CCDC102B: variants seen among roughly 807,000 people sequenced by gnomAD.
CCDC102B encodes the protein coiled-coil domain containing 102B, also known as coiled-coil domain-containing protein 102B.
A neutral mutation model predicts 57.4 loss-of-function variants in CCDC102B; 75 were observed. That is an observed-to-expected ratio of 1.31 (90% CI 1.08 to 1.58). The LOEUF (loss-of-function observed/expected upper bound fraction) is 1.58, where lower values mean the gene tolerates loss of function less well. Among genes scored for constraint, CCDC102B ranks in the 40% most tolerant of loss-of-function variants. CCDC102B has a pLI of 0.00. For synonymous variants in CCDC102B, 206 were observed against 201.9 expected (o/e 1.02, Z -0.17); for missense variants, 636 against 582.6 (o/e 1.09, Z -0.94).
At chr18:69,052,531 C>T (rs1005210725) in intron 7 of CCDC102B, among the ~76,000 whole-genome samples, 1 of 151,606 alleles carries the variant, frequency 6.6e-6, no homozygotes, top group South Asian at 2.1e-4. Flanking sequence ...TGTGTGTGCA[C>T]GTGTGTATCA....
intron 6 of CCDC102B, among the ~76,000 whole-genome samples, chr18:69,008,921 G>A (rs1467481851): frequency 1.3e-5 from 2 of 152,138 alleles, no homozygotes; most frequent in Non-Finnish European, 2.9e-5. Flanking sequence ...AGGGTTTAAT[G>A]TTTTTTCTTA....
chr18:68,790,361 G>A (rs1170519732), intron 2 of CCDC102B, among the ~76,000 whole-genome samples: 1 of 151,800 alleles, frequency 6.6e-6, no homozygotes, highest in Non-Finnish European at 1.5e-5. Flanking sequence ...GCTCCACCCA[G>A]TTCGAGCTTC....
chr18:69,010,945 C>T lies in CCDC102B; in HGVS notation c.1275C>T (p.Asn425=). The T allele has an allele frequency of 6.3e-7, 1 of 1,590,848 alleles. No homozygotes were observed. Among genetic ancestry groups the T allele is most frequent in the Non-Finnish European group, 8.6e-7 (1 of 1,167,426 alleles). ...DLQEKNQELL[N]LQHAYYKLNR... The stretch of plus-strand genomic sequence containing the variant: ...TTTTCCTTTGAAAGGAATTACTGAA[C>T]CTTCAACATGCCTACTATAAACTAA... The change falls in exon 7 of 8, where the codon AAC becomes AAT. Residue 425 remains asparagine (N), a synonymous_variant. Coordinates refer to ENST00000360242, the MANE Select transcript of CCDC102B (RefSeq NM_024781.3).
chr18:69,031,448 C>A, intron 7 of CCDC102B, among the ~76,000 whole-genome samples: 1 of 150,262 alleles, frequency 6.7e-6, no homozygotes, highest in East Asian at 1.9e-4. Context: ...TTCCTGGAGA[C>A]CTTTTTTTTT....
intron 4 of CCDC102B, chr18:68,866,879 C>T (rs937582308): frequency 2.1e-5 from 14 of 655,490 alleles, no homozygotes; most frequent in African/African-American, 5.4e-5. Context: ...ATTGGCACTC[C>T]TCTTCCCTCT....
chr18:68,813,221 C>T (rs550136972), intron 1 of CCDC102B, among the ~76,000 whole-genome samples: 1 of 152,170 alleles, frequency 6.6e-6, no homozygotes, highest in East Asian at 1.9e-4. Context: ...CCTGTTTCGC[C>T]ATAATAAGAT....
At chr18:69,011,528 T>C (rs1462291967) in intron 7 of CCDC102B, among the ~76,000 whole-genome samples, 1 of 152,120 alleles carries the variant, frequency 6.6e-6, no homozygotes, top group Admixed American at 6.5e-5. Context: ...TCTAGGTACT[T>C]CATTTTGTTT....
At chr18:68,744,492 G>C (rs564608583) in intron 2 of CCDC102B, among the ~76,000 whole-genome samples, 28 of 152,234 alleles carry the variant, frequency 1.8e-4, no homozygotes, top group African/African-American at 6.7e-4. Context: ...CTAGGGCTAG[G>C]TAGAAAAAGC....
chr18:68,877,834 G>A (rs992914998), intron 5 of CCDC102B, among the ~76,000 whole-genome samples: 1 of 152,062 alleles, frequency 6.6e-6, no homozygotes, highest in Non-Finnish European at 1.5e-5. Context: ...TATGAGTATG[G>A]CATAAAAAGG....
At chr18:68,776,023 A>G (rs1394713211) in intron 2 of CCDC102B, among the ~76,000 whole-genome samples, 1 of 152,054 alleles carries the variant, frequency 6.6e-6, no homozygotes, top group Non-Finnish European at 1.5e-5. Flanking sequence ...ATCTTTGATT[A>G]TTTCTTCTCT....
chr18:68,984,574 CT>C (rs2050676758), intron 6 of CCDC102B, among the ~76,000 whole-genome samples: 3 of 152,110 alleles, frequency 2.0e-5, no homozygotes, highest in Admixed American at 6.6e-5. Flanking sequence ...ATTACTAGCT[CT>C]GGAGCAAAAC....
chr18:68,732,882 C>T (rs546219252), intron 2 of CCDC102B, among the ~76,000 whole-genome samples: 122 of 152,188 alleles, frequency 8.0e-4, no homozygotes, highest in African/African-American at 2.7e-3. Flanking sequence ...AAACATCCAT[C>T]GCACAAGTGT....
intron 1 of CCDC102B, among the ~76,000 whole-genome samples, chr18:68,803,476 G>C (rs1016562003): frequency 6.6e-6 from 1 of 152,200 alleles, no homozygotes; most frequent in African/African-American, 2.4e-5. Context: ...TGTCCCTTCT[G>C]TTAGGGTGAA....
intron 1 of CCDC102B, among the ~76,000 whole-genome samples, chr18:68,815,859 A>C (rs1399727931): frequency 6.6e-6 from 1 of 152,206 alleles, no homozygotes; most frequent in Non-Finnish European, 1.5e-5. Flanking sequence ...GGGCTCTGTA[A>C]AATGTGCATT....
intron 7 of CCDC102B, among the ~76,000 whole-genome samples, chr18:69,051,215 C>T (rs1192786994): frequency 6.6e-6 from 1 of 151,404 alleles, no homozygotes; most frequent in Non-Finnish European, 1.5e-5. Context: ...ACACATACAA[C>T]AAAACTTATA....
At chr18:68,960,367 G>A (rs1055004224) in intron 6 of CCDC102B, among the ~76,000 whole-genome samples, 1 of 146,512 alleles carries the variant, frequency 6.8e-6, no homozygotes, top group African/African-American at 2.6e-5. Flanking sequence ...TTCTACTGTG[G>A]CTGAACTGGT....
chr18:68,967,066 CT>C (rs2050182683), intron 6 of CCDC102B, among the ~76,000 whole-genome samples: 1 of 152,130 alleles, frequency 6.6e-6, no homozygotes, highest in African/African-American at 2.4e-5. Context: ...CTGTTAACAC[CT>C]CCTAGAGTTT....
chr18:69,037,805 T>C (rs984796146), intron 7 of CCDC102B, among the ~76,000 whole-genome samples: 3 of 152,018 alleles, frequency 2.0e-5, no homozygotes, highest in African/African-American at 7.2e-5. Flanking sequence ...TTTGTGTTAA[T>C]CTGAGTACGG....
At chr18:68,907,733 T>C (rs2040698236) in intron 6 of CCDC102B, among the ~76,000 whole-genome samples, 2 of 152,202 alleles carry the variant, frequency 1.3e-5, no homozygotes, top group Admixed American at 1.3e-4. Context: ...CACGTTATCT[T>C]ACACATGTTT....
Sources: gnomAD v4.1 joint callset for allele counts (sites outside exome capture counted in the v4.1 genomes callset) on GRCh38, gnomAD v4.1.1 for gene constraint, MANE v1.5 for transcripts, NCBI Gene and HGNC (gene_info 2026-07-23, HGNC 2026-07-21) for gene names.